RYR2: variants seen among roughly 807,000 people sequenced by gnomAD.
The protein encoded by RYR2 is cardiac muscle ryanodine receptor-calcium release channel.
Under a neutral mutation model 601.1 loss-of-function variants are expected in RYR2, and 227 were observed. The observed-to-expected ratio is 0.38, with a 90% CI of 0.34 to 0.42. The LOEUF (loss-of-function observed/expected upper bound fraction) is 0.42, where lower values mean the gene tolerates loss of function less well. Among genes scored for constraint, RYR2 ranks in the 10% least tolerant of loss-of-function variants. RYR2 has a pLI of 1.00. For missense variants in RYR2, 4,646 were observed against 6,156.5 expected, an observed-to-expected ratio of 0.75 and a Z score of 8.21; for synonymous variants, 2,223 against 2,175.1, an observed-to-expected ratio of 1.02 and a Z score of -0.61.
At chr1:237,526,300 ATTTCCTCTTTTGAGAAATG>A (rs1310092630) in intron 24 of RYR2, among the ~76,000 whole-genome samples, 1 of 149,462 alleles carries the variant, frequency 6.7e-6, no homozygotes, top group Non-Finnish European at 1.5e-5. Flanking sequence ...GGCTGCTTGT[ATTTCCTCTTTTGAGAAATG>A]TCTATTTATG....
intron 1 of RYR2, among the ~76,000 whole-genome samples, chr1:237,270,058 G>A (rs2149345297): frequency 6.6e-6 from 1 of 152,270 alleles, no homozygotes; most frequent in East Asian, 1.9e-4. Context: ...GTTTTCCTGT[G>A]TGAGTTTTGA....
At position 237,705,318 on chromosome 1, in the gene RYR2, T is replaced by C; in HGVS notation, c.9555T>C (p.Asn3185=). ...AACATAATATTTACTCCATCTACAATACCAAGTCTTCACGAGAAAGAGCAG... is the reference window on the plus strand; with the variant it reads ...AACATAATATTTACTCCATCTACAACACCAAGTCTTCACGAGAAAGAGCAG... ...LDKHNIYSIY[N]TKSSRERAAL... Residue 3185 remains asparagine, a synonymous_variant, in exon 67 of 105, where the codon AAT becomes AAC. Coordinates refer to ENST00000366574, the MANE Select transcript of RYR2 (RefSeq NM_001035.3). 6.2e-7 allele frequency: 1 copy of C among 1,605,488 alleles called. No homozygotes were observed. Among genetic ancestry groups the C allele is most frequent in the Non-Finnish European group, 8.5e-7 (1 of 1,175,222 alleles).
intron 17 of RYR2, among the ~76,000 whole-genome samples, chr1:237,476,485 G>GGGT (rs1661413195): frequency 7.5e-6 from 1 of 133,994 alleles, no homozygotes; most frequent in South Asian, 2.4e-4. Context: ...ACTCCAGCCT[G>GGGT]GGTGATAGCG....
rs531727199 is a variant in RYR2, at chr1:237,798,050, A to T, written c.13970A>T (p.Tyr4657Phe). ...KFVKRKVMDK[Y>F]GEFYGRDRIS... ...TCATACCCCAAGGTTATGGATAAAT[A>T]TGGAGAGTTCTACGGCCGAGACAGA... is the stretch of plus-strand genomic sequence containing the variant. Residue 4657 changes from tyrosine to phenylalanine, a missense_variant, in exon 97 of 105, where the codon TAT becomes TTT. Transcript: ENST00000366574. The T allele has an allele frequency of 1.2e-6, 2 of 1,610,900 alleles. No individual in the cohort carries two copies. The highest frequency in any genetic ancestry group is 1.7e-6 in the Non-Finnish European group (2 of 1,178,434).
rs1675642723 is a variant in RYR2, at chr1:237,594,886, G to GTTTTTTTTGTTTTTTTTTTTTTT, written c.4437-604_4437-603insGTTTTTTTTTTTTTTTTTTTTTT. Among the ~76,000 whole-genome samples the GTTTTTTTTGTTTTTTTTTTTTTT allele has an allele frequency of 1.7e-4, 10 of 60,418 alleles. No individual in the cohort carries two copies. In the East Asian group the frequency reaches 2.7e-3, roughly 16 times the overall value. 39.6% of individuals were successfully genotyped at this position (60,418 alleles called of 152,430 possible). On this transcript the variant is annotated intron_variant, in intron 33 of 104. Coordinates refer to ENST00000366574, the MANE Select transcript of RYR2 (RefSeq NM_001035.3). ...TGGCATTTGTGGTTAATATCACTGG[G>GTTTTTTTTGTTTTTTTTTTTTTT]TTTTTTTTTTTTTTTTTTTTTTTTT...
chr1:237,746,652 C>T (rs1692105089), intron 80 of RYR2, among the ~76,000 whole-genome samples: 1 of 152,028 alleles, frequency 6.6e-6, no homozygotes, highest in African/African-American at 2.4e-5. Context: ...CCTGTAACTA[C>T]TTATTAAATA....
intron 8 of RYR2, among the ~76,000 whole-genome samples, chr1:237,379,165 A>G (rs951736930): frequency 6.6e-6 from 1 of 152,238 alleles, no homozygotes; most frequent in Non-Finnish European, 1.5e-5. Flanking sequence ...CACTTTTAAT[A>G]TATAAATTAT....
intron 1 of RYR2, among the ~76,000 whole-genome samples, chr1:237,219,391 T>A (rs1018877819): frequency 1.3e-5 from 2 of 152,198 alleles, no homozygotes; most frequent in African/African-American, 4.8e-5. Context: ...CATTCCGACG[T>A]GTCAATGTCT....
intron 1 of RYR2, among the ~76,000 whole-genome samples, chr1:237,269,131 C>T (rs1453746539): frequency 1.3e-5 from 2 of 148,804 alleles, no homozygotes; most frequent in Non-Finnish European, 3.0e-5. Context: ...CAACCTCCGC[C>T]TCCCAGGTTA....
At chr1:237,620,615 T>C (rs1678972703) in intron 38 of RYR2, among the ~76,000 whole-genome samples, 2 of 152,220 alleles carry the variant, frequency 1.3e-5, no homozygotes, top group South Asian at 2.1e-4. Context: ...AAGGAATATG[T>C]ATTATTAAAA....
At chr1:237,234,423 A>G (rs767054870) in intron 1 of RYR2, among the ~76,000 whole-genome samples, 2 of 152,146 alleles carry the variant, frequency 1.3e-5, no homozygotes, top group Non-Finnish European at 1.5e-5. Context: ...GGCATTTCAT[A>G]TCTTTATGAA....
chr1:237,660,970 A>G, intron 56 of RYR2, 23 bp downstream of exon 56: 2 of 1,352,100 alleles, frequency 1.5e-6, no homozygotes, highest in Non-Finnish European at 1.9e-6. Flanking sequence ...CACGGTGATG[A>G]ATCAACTGTT....
In RYR2 at chr1:237,593,753, A is replaced by C. The variant is rs180814516; in HGVS notation, c.4436+117A>C. The C allele has an allele frequency of 7.5e-4, 808 of 1,072,938 alleles. 1 individual carries two copies. The highest frequency in any genetic ancestry group is 1.6e-3 in the Middle Eastern group (7 of 4,262). The allele number at this position is 1,072,938 out of a possible 1,614,324, so 66.5% of individuals were successfully genotyped here. A position where few individuals can be genotyped will look rare whatever the true frequency, so the allele number is the denominator to read the frequency against. On this transcript the variant is annotated intron_variant, in intron 33 of 104. Transcript: ENST00000366574. ...TATTTCTATTTATAGGAAGAATATAATCAAGCCATTAATGTCAATGTCGTT... is the reference window on the plus strand; with the variant it reads ...TATTTCTATTTATAGGAAGAATATACTCAAGCCATTAATGTCAATGTCGTT...
chr1:237,789,622 G>A (rs1252135656), intron 92 of RYR2, among the ~76,000 whole-genome samples: 1 of 99,714 alleles, frequency 1.0e-5, no homozygotes, highest in East Asian at 5.0e-4. Context: ...GGGCGCTGCA[G>A]CACCCCAGTG....
At chr1:237,746,088 T>C (rs1168084568) in intron 80 of RYR2, among the ~76,000 whole-genome samples, 1 of 152,206 alleles carries the variant, frequency 6.6e-6, no homozygotes, top group Non-Finnish European at 1.5e-5. Context: ...TCTCTGAGGT[T>C]GACTATGTGA....
intron 33 of RYR2, among the ~76,000 whole-genome samples, chr1:237,593,958 G>A (rs751625265): frequency 4.6e-5 from 7 of 152,228 alleles, no homozygotes; most frequent in Non-Finnish European, 1.0e-4. Context: ...GTGAATGTGC[G>A]GCTTTTAACC....
At chr1:237,239,419 G>A (rs2149225165) in intron 1 of RYR2, among the ~76,000 whole-genome samples, 1 of 152,264 alleles carries the variant, frequency 6.6e-6, no homozygotes, top group African/African-American at 2.4e-5. Context: ...AGGAGGCGGT[G>A]TCTGATTTTC....
At chr1:237,420,008 A>G (rs1313295462) in intron 11 of RYR2, among the ~76,000 whole-genome samples, 7 of 152,120 alleles carry the variant, frequency 4.6e-5, no homozygotes, top group Admixed American at 2.6e-4. Flanking sequence ...AATATTTGGG[A>G]TACTCGGTCT....
intron 10 of RYR2, among the ~76,000 whole-genome samples, chr1:237,411,433 A>G (rs561113009): frequency 6.0e-4 from 92 of 152,296 alleles, no homozygotes; most frequent in African/African-American, 2.2e-3. Context: ...GGGACTTTGA[A>G]TATCAACAAG....
Sources: allele counts gnomAD v4.1 joint callset (sites outside exome capture counted in the v4.1 genomes callset), GRCh38; gene constraint gnomAD v4.1.1; transcripts MANE v1.5; gene names NCBI Gene and HGNC (gene_info 2026-07-23, HGNC 2026-07-21).